The following NDUFA10 variants were observed in gnomAD, a reference collection of about 807,000 sequenced individuals.
The protein encoded by NDUFA10 is NADH:ubiquinone oxidoreductase subunit A10, also known as NADH dehydrogenase [ubiquinone] 1 alpha subcomplex subunit 10, mitochondrial.
Under a neutral mutation model 47.8 loss-of-function variants are expected in NDUFA10, and 40 were observed. That is an observed-to-expected ratio of 0.84 (90% CI 0.65 to 1.09). The LOEUF is 1.09. Among genes scored for constraint, NDUFA10 ranks in the 50% least tolerant of loss-of-function variants. NDUFA10 has a pLI of 0.00. For synonymous variants in NDUFA10, 183 were observed against 172.2 expected (o/e 1.06, Z -0.49); for missense variants, 413 against 451.1 (o/e 0.92, Z 0.76).
intron 9 of NDUFA10, chr2:239,982,048 C>T (rs1393950274): frequency 1.1e-5 from 18 of 1,602,226 alleles, no homozygotes; most frequent in South Asian, 3.3e-5. Context: ...AATAGTCACA[C>T]GTTCTGTGGA....
intron 4 of NDUFA10, among the ~76,000 whole-genome samples, chr2:239,949,161 C>T (rs1694508386): frequency 6.6e-6 from 1 of 152,236 alleles, no homozygotes; most frequent in Non-Finnish European, 1.5e-5. Flanking sequence ...AGCAAACCAA[C>T]TGCTGATTGA....
chr2:239,932,581 G>T (rs1441485013), intron 4 of NDUFA10, among the ~76,000 whole-genome samples: 3 of 151,202 alleles, frequency 2.0e-5, no homozygotes, highest in Non-Finnish European at 4.4e-5. Flanking sequence ...TCTGGTCAAA[G>T]AATTTTTTTT....
In NDUFA10 at chr2:239,959,878, G is replaced by A; in HGVS notation, c.*1240C>T. ...GAGGGAAAAAGGCAGGCGGACGCAA[G>A]GAGGGAAGGAGTGTGCATCTTCTTC... On this transcript the variant is annotated 3_prime_UTR_variant, in exon 10 of 10. Transcript: ENST00000252711. 1.0e-6 allele frequency: 1 copy of A among 985,276 alleles called. No individual in the cohort carries two copies. The highest frequency in any genetic ancestry group is 1.2e-6 in the Non-Finnish European group (1 of 829,730). The allele number at this position is 985,276 out of a possible 1,614,324, so 61.0% of individuals were successfully genotyped here.
downstream of NDUFA10, among the ~76,000 whole-genome samples, chr2:239,956,548 G>A (rs1694657516): frequency 6.6e-6 from 1 of 152,234 alleles, no homozygotes; most frequent in African/African-American, 2.4e-5. Flanking sequence ...TCCCGTGCTT[G>A]GAGGACTGGC....
chr2:239,968,120 AG>A (rs1221521445), intron 9 of NDUFA10, among the ~76,000 whole-genome samples: 3 of 152,222 alleles, frequency 2.0e-5, no homozygotes, highest in African/African-American at 7.2e-5. Context: ...AGAAAAACCT[AG>A]AAATGAGTTG....
intron 4 of NDUFA10, among the ~76,000 whole-genome samples, chr2:239,916,245 C>T (rs1693877216): frequency 7.1e-6 from 1 of 141,472 alleles, no homozygotes; most frequent in Admixed American, 6.8e-5. Context: ...GACAGACACA[C>T]AGAGATACAC....
chr2:239,893,397 G>C (rs1449530558), intron 5 of NDUFA10, among the ~76,000 whole-genome samples: 5 of 152,190 alleles, frequency 3.3e-5, no homozygotes, highest in African/African-American at 1.2e-4. Context: ...TGTGGCTGTT[G>C]GGATGTGTCT....
intron 4 of NDUFA10, among the ~76,000 whole-genome samples, chr2:239,917,649 T>A (rs971628145): frequency 1.3e-5 from 2 of 152,244 alleles, no homozygotes; most frequent in Non-Finnish European, 2.9e-5. Flanking sequence ...TGACTAATTG[T>A]TTTGCCTCTG....
chr2:240,003,895 G>A (rs898557832), intron 8 of NDUFA10, among the ~76,000 whole-genome samples: 8 of 152,198 alleles, frequency 5.3e-5, no homozygotes, highest in African/African-American at 1.9e-4. Context: ...TCAATGCACA[G>A]AGACACTGCA....
At chr2:240,024,113 C>T (rs144882402) in intron 1 of NDUFA10, among the ~76,000 whole-genome samples, 1 of 152,364 alleles carries the variant, frequency 6.6e-6, no homozygotes, top group Non-Finnish European at 1.5e-5. Context: ...TGAGTAATCG[C>T]TCTTCCAGGT....
intron 4 of NDUFA10, among the ~76,000 whole-genome samples, chr2:239,951,262 G>A (rs148246320): frequency 1.5e-3 from 232 of 152,304 alleles, no homozygotes; most frequent in African/African-American, 5.4e-3. Flanking sequence ...GAGGGGCCTC[G>A]GGAGGGCCAC....
chr2:239,971,531 T>C (rs1695305277), intron 9 of NDUFA10, among the ~76,000 whole-genome samples: 2 of 152,236 alleles, frequency 1.3e-5, no homozygotes. Flanking sequence ...TTGATACACT[T>C]ACTGATATTA....
At chr2:239,985,993 G>T (rs1695985696) in intron 9 of NDUFA10, among the ~76,000 whole-genome samples, 1 of 150,748 alleles carries the variant, frequency 6.6e-6, no homozygotes, top group Non-Finnish European at 1.5e-5. Flanking sequence ...CTCAGGCCAA[G>T]TGAGTACAGA....
Position 239,959,011 on chromosome 2 carries a change from G to A in NDUFA10, c.*2107C>T. The A allele has an allele frequency of 1.0e-6, 1 of 985,452 alleles. No homozygotes were observed. The highest frequency in any genetic ancestry group is 4.7e-5 in the South Asian group (1 of 21,286). 61.0% of individuals were successfully genotyped at this position (985,452 alleles called of 1,614,324 possible). A position where few individuals can be genotyped will look rare whatever the true frequency, so the allele number is the denominator to read the frequency against. On this transcript the variant is annotated 3_prime_UTR_variant, in exon 10 of 10. Transcript: ENST00000252711. ...ACTGCTCTGAAATAAGGAAATCGGG[G>A]CATCTCCTCACCTCTTCTTGAGGCT...
At chr2:239,916,600 G>A (rs1354965690) in intron 4 of NDUFA10, among the ~76,000 whole-genome samples, 1 of 152,258 alleles carries the variant, frequency 6.6e-6, no homozygotes, top group African/African-American at 2.4e-5. Flanking sequence ...CGCTGCACAA[G>A]TGATAAAGAG....
At chr2:239,915,198 C>A (rs1317945674) in intron 4 of NDUFA10, among the ~76,000 whole-genome samples, 1 of 145,836 alleles carries the variant, frequency 6.9e-6, no homozygotes, top group Admixed American at 6.8e-5. Context: ...CACACGTATA[C>A]AGACACACAA....
chr2:239,930,621 G>A (rs893211669), intron 4 of NDUFA10, among the ~76,000 whole-genome samples: 8 of 152,114 alleles, frequency 5.3e-5, no homozygotes, highest in African/African-American at 1.4e-4. Flanking sequence ...AATCAGTGGT[G>A]AGCACCAGGA....
intron 9 of NDUFA10, among the ~76,000 whole-genome samples, chr2:239,970,532 A>G (rs1406416034): frequency 1.3e-5 from 2 of 152,266 alleles, no homozygotes; most frequent in Non-Finnish European, 2.9e-5. Flanking sequence ...CAATCTCTTT[A>G]AAAGATAACT....
chr2:240,009,268 C>T lies in NDUFA10; in HGVS notation c.750-1898G>A, dbSNP rs190545344. The stretch of plus-strand genomic sequence containing the variant: ...AATCTCAGAGGTGACGATTCTTTCT[C>T]AGAAAGGCCTTCCCTACTCTGTCTT... On this transcript the variant is annotated intron_variant, in intron 6 of 9. Coordinates refer to ENST00000252711, the MANE Select transcript of NDUFA10 (RefSeq NM_004544.4). 5.3e-5 allele frequency among the ~76,000 whole-genome samples: 8 copies of T among 152,352 alleles called. No individual in the cohort carries two copies. The East Asian group carries it at 5.8e-4, about 11-fold the overall frequency.
Sources: gnomAD v4.1 joint callset for allele counts (sites outside exome capture counted in the v4.1 genomes callset) on GRCh38, gnomAD v4.1.1 for gene constraint, MANE v1.5 for transcripts, NCBI Gene and HGNC (gene_info 2026-07-23, HGNC 2026-07-21) for gene names.